The following DTWD2 variants were observed in gnomAD, a reference collection of about 807,000 sequenced individuals.
The protein encoded by DTWD2 is tRNA-uridine aminocarboxypropyltransferase 2.
In DTWD2, 39 loss-of-function variants were observed where a neutral mutation model predicts 31.8. That is an observed-to-expected ratio of 1.22 (90% CI 0.95 to 1.60). DTWD2 has a LOEUF of 1.60. DTWD2 is among the 40% of genes most tolerant of loss of function. The probability of loss-of-function intolerance (pLI) is 0.00; values close to 1 mark genes in which losing one functional copy is unlikely to be tolerated. For synonymous variants in DTWD2, 180 were observed against 142.8 expected (o/e 1.26, Z -1.86); for missense variants, 515 against 381.5 (o/e 1.35, Z -2.92).
chr5:118,976,990 T>C (rs1041201945), intron 1 of DTWD2, among the ~76,000 whole-genome samples: 3 of 152,248 alleles, frequency 2.0e-5, no homozygotes, highest in Non-Finnish European at 4.4e-5. Flanking sequence ...TTATCCACCA[T>C]GATCAAGTCA....
chr5:118,860,009 G>A (rs954560735), intron 4 of DTWD2, among the ~76,000 whole-genome samples: 22 of 151,880 alleles, frequency 1.4e-4, no homozygotes, highest in Non-Finnish European at 2.6e-4. Context: ...TCCCAGATAC[G>A]TGGGGAGCTG....
chr5:118,980,609 A>G (rs989071651), intron 1 of DTWD2, among the ~76,000 whole-genome samples: 3 of 152,226 alleles, frequency 2.0e-5, no homozygotes, highest in African/African-American at 7.2e-5. Flanking sequence ...CCACAATGAA[A>G]TATCACTTCA....
At chr5:118,912,030 A>C (rs1356142014) in intron 4 of DTWD2, among the ~76,000 whole-genome samples, 1 of 152,242 alleles carries the variant, frequency 6.6e-6, no homozygotes. Context: ...AGCCATCTTC[A>C]GCAAGTTATG....
Position 118,885,294 on chromosome 5 carries a change from A to C in DTWD2, c.598-37076T>G, listed in dbSNP as rs990404863. ...CAGTGAAACCCTATCTCTACTAAAA[A>C]TACAAAAAATTAGCTGGGTGTGGTG... On this transcript the variant is annotated intron_variant, in intron 4 of 5. Transcript: ENST00000510708. Among the ~76,000 whole-genome samples the C allele has an allele frequency of 4.6e-5, 7 of 151,686 alleles. No homozygotes were observed. In the East Asian group the frequency reaches 1.4e-3, roughly 29 times the overall value.
chr5:118,893,796 G>C (rs1019224172), intron 4 of DTWD2, among the ~76,000 whole-genome samples: 1 of 152,104 alleles, frequency 6.6e-6, no homozygotes, highest in Non-Finnish European at 1.5e-5. Flanking sequence ...AGCACAGATA[G>C]CCTCTAGAAT....
intron 4 of DTWD2, among the ~76,000 whole-genome samples, chr5:118,910,970 C>T (rs1050442852): frequency 2.0e-5 from 3 of 152,188 alleles, no homozygotes; most frequent in Non-Finnish European, 4.4e-5. Context: ...ATGACCTAAC[C>T]TCTTCCAAAG....
chr5:118,953,729 G>C (rs1185516846), intron 1 of DTWD2, among the ~76,000 whole-genome samples: 1 of 152,140 alleles, frequency 6.6e-6, no homozygotes. Flanking sequence ...CCTTCCACCT[G>C]AGCTGGACTG....
At chr5:118,972,114 C>G (rs540994378) in intron 1 of DTWD2, among the ~76,000 whole-genome samples, 2 of 152,066 alleles carry the variant, frequency 1.3e-5, no homozygotes, top group Non-Finnish European at 2.9e-5. Flanking sequence ...CAAGAAATAA[C>G]CAAGATCAGA....
At position 118,837,058 on chromosome 5, in the gene DTWD2, G is replaced by T. The variant is rs1262276326; in HGVS notation, c.*3859C>A. Reference sequence around the variant, plus strand: ...TATCTTTTGTTTAAAAACATGCTATGTAAGGATGTATGAGTATTTGTATAA... The same window carrying T: ...TATCTTTTGTTTAAAAACATGCTATTTAAGGATGTATGAGTATTTGTATAA... On this transcript the variant is annotated 3_prime_UTR_variant, in exon 6 of 6. Coordinates refer to ENST00000510708, the MANE Select transcript of DTWD2 (RefSeq NM_173666.4). Among the ~76,000 whole-genome samples the T allele has an allele frequency of 1.3e-5, 2 of 152,132 alleles. No individual in the cohort carries two copies. Among genetic ancestry groups the T allele is most frequent in the African/African-American group, 4.8e-5 (2 of 41,430 alleles).
At chr5:118,981,997 G>A (rs914593037) in intron 1 of DTWD2, among the ~76,000 whole-genome samples, 5 of 152,122 alleles carry the variant, frequency 3.3e-5, no homozygotes, top group African/African-American at 1.2e-4. Context: ...ATAAAAATAT[G>A]AAAGCTAAAG....
At chr5:118,965,100 T>A (rs1247846697) in intron 1 of DTWD2, among the ~76,000 whole-genome samples, 3 of 150,898 alleles carry the variant, frequency 2.0e-5, no homozygotes, top group African/African-American at 7.4e-5. Context: ...CAACCCCGTC[T>A]GGGAGGTGAG....
intron 1 of DTWD2, among the ~76,000 whole-genome samples, chr5:118,965,151 C>A (rs558909876): frequency 0.022 from 3,231 of 147,192 alleles, 133 homozygotes; most frequent in African/African-American, 0.078. Flanking sequence ...AAGTAAGGAG[C>A]CCCTCCGCCC....
At chr5:118,987,467 G>C (rs1396657914) in intron 1 of DTWD2, among the ~76,000 whole-genome samples, 1 of 152,208 alleles carries the variant, frequency 6.6e-6, no homozygotes, top group East Asian at 1.9e-4. Flanking sequence ...TTCTTGGAAT[G>C]CTTTTCCCCT....
Position 118,839,524 on chromosome 5 carries a change from A to AT in DTWD2, c.*1392dup, listed in dbSNP as rs111338609. 25,378 of 149,228 alleles carry AT rather than the reference A, an allele frequency of 0.17. 2,224 individuals are homozygous for AT. Among genetic ancestry groups the AT allele is most frequent in the African/African-American group, 0.21 (8,702 of 40,656 alleles). The allele number at this position is 149,228 out of a possible 1,614,324, so 9.2% of individuals were successfully genotyped here. On this transcript the variant is annotated 3_prime_UTR_variant, in exon 6 of 6. Coordinates refer to ENST00000510708, the MANE Select transcript of DTWD2 (RefSeq NM_173666.4). ...TGCACACCACCACATCTGGCTAATT[A>AT]TTTTTTTTTTAATTTTGTATGGAGA...
At chr5:118,978,438 C>T (rs1561480423) in intron 1 of DTWD2, among the ~76,000 whole-genome samples, 1 of 152,160 alleles carries the variant, frequency 6.6e-6, no homozygotes, top group Non-Finnish European at 1.5e-5. Context: ...AGTGAACAGA[C>T]AACCTACAGA....
intron 1 of DTWD2, among the ~76,000 whole-genome samples, chr5:118,946,386 G>A (rs1477273961): frequency 6.6e-6 from 1 of 152,192 alleles, no homozygotes; most frequent in African/African-American, 2.4e-5. Context: ...GAAACAGGGT[G>A]CAATGACAAA....
At chr5:118,918,100 G>C (rs762537621) in intron 4 of DTWD2, among the ~76,000 whole-genome samples, 10 of 152,158 alleles carry the variant, frequency 6.6e-5, no homozygotes, top group Non-Finnish European at 1.0e-4. Flanking sequence ...ATGAGATTTT[G>C]GGTGGGGACA....
intron 4 of DTWD2, among the ~76,000 whole-genome samples, chr5:118,854,208 T>TTA (rs1176497061): frequency 8.5e-5 from 13 of 152,186 alleles, no homozygotes; most frequent in Non-Finnish European, 1.8e-4. Flanking sequence ...TAAAAAGTGC[T>TTA]TAGACTTTTG....
chr5:118,857,127 G>A (rs778429396), intron 4 of DTWD2, among the ~76,000 whole-genome samples: 4 of 151,660 alleles, frequency 2.6e-5, no homozygotes, highest in Non-Finnish European at 4.4e-5. Context: ...AGATGCACAC[G>A]TACACTTCCA....
Sources: allele counts gnomAD v4.1 joint callset (sites outside exome capture counted in the v4.1 genomes callset), GRCh38; gene constraint gnomAD v4.1.1; transcripts MANE v1.5; gene names NCBI Gene and HGNC (gene_info 2026-07-23, HGNC 2026-07-21).